Variants in CBY1 observed in about 807,000 individuals in gnomAD.
The protein encoded by CBY1 is chibby 1, beta catenin antagonist.
Under a neutral mutation model 15.6 loss-of-function variants are expected in CBY1, and 10 were observed. That is an observed-to-expected ratio of 0.64 (90% CI 0.40 to 1.09). The LOEUF (loss-of-function observed/expected upper bound fraction) is 1.09. Among genes scored for constraint, CBY1 ranks in the 50% least tolerant of loss-of-function variants. The pLI is 0.01. For missense variants in CBY1, 150 were observed against 160.5 expected, an observed-to-expected ratio of 0.93 and a Z score of 0.35; for synonymous variants, 61 against 63.5, an observed-to-expected ratio of 0.96 and a Z score of 0.19.
At chr22:38,660,643 C>G (rs1459210576) in intron 1 of CBY1, among the ~76,000 whole-genome samples, 1 of 152,050 alleles carries the variant, frequency 6.6e-6, no homozygotes, top group Non-Finnish European at 1.5e-5. Flanking sequence ...CACACACACA[C>G]ACGCAGACGC....
At chr22:38,656,823 TC>T (rs2092398157) in intron 1 of CBY1, 73 bp downstream of exon 1, 1 of 152,090 alleles carries the variant, frequency 6.6e-6, no homozygotes, top group South Asian at 2.1e-4. Flanking sequence ...GAGTAGGACG[TC>T]CGGGCCTCGC....
rs896184091 is a variant in CBY1, at chr22:38,670,911, C to G, written c.106C>G (p.Leu36Val). 1.9e-6 allele frequency: 3 copies of G among 1,614,142 alleles called. No individual in the cohort carries two copies. Among genetic ancestry groups the G allele is most frequent in the East Asian group, 4.5e-5 (2 of 44,878 alleles). The change falls in exon 3 of 5, where the codon CTG becomes GTG. Residue 36 changes from leucine to valine, a missense_variant. Leu to Val is a conservative substitution (Grantham distance 32). Transcript: ENST00000216029. ...GGATCGATCAACCCGGGAGGTGGAG[C>G]TGGGCTTGGAATACGGATCCCCGAC... The part of the protein sequence containing the change: ...SLDRSTREVE[L>V]GLEYGSPTMN...
rs373632475 is a variant in CBY1, at chr22:38,664,847, G to GT, written c.-38-3159dup. 8.1e-4 allele frequency among the ~76,000 whole-genome samples: 120 copies of GT among 148,338 alleles called. 1 individual carries two copies. The highest frequency in any genetic ancestry group is 4.1e-3 in the East Asian group (21 of 5,078). Reference sequence around the variant, plus strand: ...CTCAAGTCTTATGTTCTTAGCAGTAGTTTTTTTTTTTCTTGAGACAGGGTC... The same window carrying GT: ...CTCAAGTCTTATGTTCTTAGCAGTAGTTTTTTTTTTTTCTTGAGACAGGGTC... On this transcript the variant is annotated intron_variant, in intron 1 of 4. Coordinates refer to ENST00000216029, the MANE Select transcript of CBY1 (RefSeq NM_015373.4).
At chr22:38,667,687 GA>G (rs2092440943) in intron 1 of CBY1, 3 of 228,744 alleles carry the variant, frequency 1.3e-5, no homozygotes, top group East Asian at 2.3e-4. Flanking sequence ...GTGTGAGGCA[GA>G]AGGCTCACAT....
chr22:38,663,813 G>A (rs1019111251), intron 1 of CBY1, among the ~76,000 whole-genome samples: 1 of 151,614 alleles, frequency 6.6e-6, no homozygotes, highest in African/African-American at 2.4e-5. Context: ...CTTGAGGTCA[G>A]GAGTTCGAGA....
intron 4 of CBY1, chr22:38,671,835 G>A (rs1473735449): frequency 6.6e-6 from 1 of 152,260 alleles, no homozygotes; most frequent in Non-Finnish European, 1.5e-5. Context: ...GCAATAAATG[G>A]CATAATAGCT....
chr22:38,658,826 A>G (rs1275824503), intron 1 of CBY1, among the ~76,000 whole-genome samples: 1 of 152,238 alleles, frequency 6.6e-6, no homozygotes, highest in East Asian at 1.9e-4. Context: ...TACCATACAC[A>G]TCATTCTGCA....
At chr22:38,668,213 T>C in intron 2 of CBY1, 81 bp downstream of exon 2, 3 of 844,916 alleles carry the variant, frequency 3.6e-6, no homozygotes, top group Non-Finnish European at 6.2e-6. Context: ...AGTGTGGTCC[T>C]CCAGAGGCAT....
At chr22:38,661,260 G>A (rs1009480206) in intron 1 of CBY1, among the ~76,000 whole-genome samples, 7 of 152,114 alleles carry the variant, frequency 4.6e-5, no homozygotes, top group Admixed American at 4.6e-4. Flanking sequence ...CGCAACCTCC[G>A]CCTCCCAGGT....
At chr22:38,658,763 A>G (rs1212443870) in intron 1 of CBY1, among the ~76,000 whole-genome samples, 2 of 152,194 alleles carry the variant, frequency 1.3e-5, no homozygotes, top group Non-Finnish European at 2.9e-5. Flanking sequence ...GGCGTGAGCC[A>G]CCACGCCCGG....
At chr22:38,665,996 A>C (rs1329949050) in intron 1 of CBY1, among the ~76,000 whole-genome samples, 3 of 151,864 alleles carry the variant, frequency 2.0e-5, no homozygotes, top group African/African-American at 4.8e-5. Context: ...TAAAATTTAA[A>C]AAATACTTGA....
intron 1 of CBY1, chr22:38,657,090 C>T (rs2092400732): frequency 1.0e-6 from 1 of 982,014 alleles, no homozygotes; most frequent in Admixed American, 6.2e-5. Flanking sequence ...ACACGTATAT[C>T]TTTGAGAATC....
intron 2 of CBY1, chr22:38,668,342 A>C: frequency 5.3e-5 from 26 of 487,298 alleles, no homozygotes; most frequent in East Asian, 1.8e-4. Flanking sequence ...AGACAATCTC[A>C]TTATGATATT....
intron 1 of CBY1, among the ~76,000 whole-genome samples, chr22:38,663,644 T>A (rs7410470): frequency 1.4e-5 from 2 of 141,320 alleles, no homozygotes; most frequent in African/African-American, 5.4e-5. Context: ...TGCGGTGTGC[T>A]GAGATGGCGC....
At chr22:38,665,994 A>G (rs2092434736) in intron 1 of CBY1, among the ~76,000 whole-genome samples, 1 of 151,892 alleles carries the variant, frequency 6.6e-6, no homozygotes. Flanking sequence ...AATAAAATTT[A>G]AAAAATACTT....
At chr22:38,656,782 C>G (rs1256210705) in intron 1 of CBY1, 32 bp downstream of exon 1, 1 of 152,264 alleles carries the variant, frequency 6.6e-6, no homozygotes, top group African/African-American at 2.4e-5. Flanking sequence ...CGCCGGCCAG[C>G]GCTGCCTGGG....
chr22:38,661,866 G>T (rs907354073), intron 1 of CBY1, among the ~76,000 whole-genome samples: 1 of 152,154 alleles, frequency 6.6e-6, no homozygotes, highest in African/African-American at 2.4e-5. Context: ...ATAATGTAGT[G>T]AAGGAAGACC....
At chr22:38,658,438 A>G (rs574238802) in intron 1 of CBY1, among the ~76,000 whole-genome samples, 3 of 143,754 alleles carry the variant, frequency 2.1e-5, no homozygotes, top group African/African-American at 5.1e-5. Context: ...TCTTTTTTTT[A>G]ATACACACAT....
chr22:38,660,330 G>T (rs1274136677), intron 1 of CBY1, among the ~76,000 whole-genome samples: 7 of 151,780 alleles, frequency 4.6e-5, no homozygotes, highest in Admixed American at 4.6e-4. Context: ...GAGTAGCTGG[G>T]ATTACAGGCT....
Sources: allele counts gnomAD v4.1 joint callset (sites outside exome capture counted in the v4.1 genomes callset), GRCh38; gene constraint gnomAD v4.1.1; transcripts MANE v1.5; gene names NCBI Gene and HGNC (gene_info 2026-07-23, HGNC 2026-07-21).